Variants in CCDC93 observed in about 807,000 individuals in gnomAD.
CCDC93 encodes the protein coiled-coil domain-containing protein 93.
In CCDC93, 61 loss-of-function variants were observed where a neutral mutation model predicts 108.2. That is an observed-to-expected ratio of 0.56 (90% confidence interval 0.46 to 0.70). The LOEUF (loss-of-function observed/expected upper bound fraction) is 0.70, where lower values mean the gene tolerates loss of function less well. Ranked by LOEUF, CCDC93 falls within the 30% of genes least tolerant of loss-of-function variation. The probability of loss-of-function intolerance (pLI) is 0.00; values close to 1 mark genes in which losing one functional copy is unlikely to be tolerated. For missense variants in CCDC93, 685 were observed against 764.2 expected (o/e 0.90, Z 1.22); for synonymous variants, 276 against 260.4 (o/e 1.06, Z -0.58).
intron 13 of CCDC93, chr2:117,950,029 G>C: frequency 1.0e-6 from 1 of 985,402 alleles, no homozygotes; most frequent in Non-Finnish European, 1.2e-6. Context: ...AGGCAGGGCG[G>C]GGTCCCACAT....
Position 118,000,836 on chromosome 2 carries a change from T to C in CCDC93, c.348A>G (p.Ile116Met). 1.2e-6 allele frequency: 2 copies of C among 1,610,696 alleles called. No individual in the cohort carries two copies. The highest frequency in any genetic ancestry group is 1.1e-5 in the South Asian group (1 of 91,008). ...HQIQGMDFIHIFPVVQWLVKR... is the reference protein window; with the variant it reads ...HQIQGMDFIHMFPVVQWLVKR... Reference sequence around the variant, plus strand: ...AGGCTCTCACCTGAACAACAGGAAATATGTGAATAAAATCCATCCCCTGGA... The same window carrying C: ...AGGCTCTCACCTGAACAACAGGAAACATGTGAATAAAATCCATCCCCTGGA... Residue 116 changes from isoleucine to methionine, a missense_variant, in exon 4 of 24, where the codon ATA becomes ATG. Coordinates refer to ENST00000376300, the MANE Select transcript of CCDC93 (RefSeq NM_019044.5).
intron 23 of CCDC93, among the ~76,000 whole-genome samples, chr2:117,924,055 T>G (rs1293009276): frequency 1.3e-5 from 2 of 152,206 alleles, no homozygotes; most frequent in African/African-American, 4.8e-5. Flanking sequence ...CCAACAGACC[T>G]GCAGCTGAGG....
chr2:118,013,618 G>C (rs1159380160), intron 1 of CCDC93, among the ~76,000 whole-genome samples: 3 of 152,266 alleles, frequency 2.0e-5, no homozygotes, highest in Admixed American at 6.5e-5. Context: ...CGCGGGGTGG[G>C]GGAGCCCGTC....
rs17512204 is a variant in CCDC93, at chr2:117,975,255, G to A, written c.683C>T (p.Pro228Leu). 115,594 of 1,612,948 alleles carry A rather than the reference G, an allele frequency of 0.072. 4,685 individuals carry two copies. Among genetic ancestry groups the A allele is most frequent in the Non-Finnish European group, 0.081 (95,934 of 1,179,476 alleles). Residue 228 changes from proline to leucine, a missense_variant, in exon 9 of 24, where the codon CCA (proline) becomes CTA (leucine). By Grantham distance (98) the Pro-to-Leu change is moderately conservative. Transcript: ENST00000376300. ...TTTTTCTGTAGCTGACAGCCCTGCTGGAAGTGCCGTTTTCTTGTCCTCAGC... is the reference window on the plus strand; with the variant it reads ...TTTTTCTGTAGCTGACAGCCCTGCTAGAAGTGCCGTTTTCTTGTCCTCAGC... ...EKAEDKKTAL[P>L]AGLSATEKAD...
intron 12 of CCDC93, among the ~76,000 whole-genome samples, chr2:117,958,142 A>C (rs1448873364): frequency 1.3e-5 from 2 of 152,174 alleles, no homozygotes; most frequent in Non-Finnish European, 2.9e-5. Context: ...TGTAGGTCTT[A>C]TGGTCTTCTG....
At position 117,946,870 on chromosome 2, in the gene CCDC93, G is replaced by A. The variant is rs1282612370; in HGVS notation, c.1237C>T (p.Arg413Ter). ...FKAHCREEMTRLQQEIENLKA... is the reference protein window; with the variant it reads ...FKAHCREEMT ...AGGTTTTCAATTTCTTGCTGTAGTC[G>A]TGTCATCTCCTCCTTTAAAAGTGAC... The change falls in exon 16 of 24, where the codon CGA becomes TGA. Residue 413 changes from arginine to a stop codon, truncating the protein, a stop_gained. Transcript: ENST00000376300. LOFTEE classifies it high-confidence loss of function. 6.2e-7 allele frequency: 1 copy of A among 1,611,914 alleles called. No individual in the cohort carries two copies. Among genetic ancestry groups the A allele is most frequent in the Non-Finnish European group, 8.5e-7 (1 of 1,178,002 alleles).
rs886332171 is a variant in CCDC93 at position 117,916,434 on chromosome 2, TGAGAGAGACCCTCTA to T, written c.*3894_*3908del. ...TTCAAGGTTACAGTATAACATACTC[TGAGAGAGACCCTCTA>T]AAGTTGTGAAAACTGTTCTCAAACT... On this transcript the variant is annotated 3_prime_UTR_variant, in exon 24 of 24. Transcript: ENST00000376300. 1 of 152,232 alleles carries T rather than the reference TGAGAGAGACCCTCTA, an allele frequency of 6.6e-6. No homozygotes were observed. Among genetic ancestry groups the T allele is most frequent in the Non-Finnish European group, 1.5e-5 (1 of 68,036 alleles). 9.4% of individuals were successfully genotyped at this position (152,232 alleles called of 1,614,324 possible). A position where few individuals can be genotyped will look rare whatever the true frequency, so the allele number is the denominator to read the frequency against.
chr2:117,916,595 T>C lies in CCDC93; in HGVS notation c.*3748A>G, dbSNP rs1677693283. The stretch of plus-strand genomic sequence containing the variant: ...AGTCAGTCATCTACCTTGAGCTAGA[T>C]GCTGGGGAGAGTGTGGTAAGACAAG... On this transcript the variant is annotated 3_prime_UTR_variant, in exon 24 of 24. Transcript: ENST00000376300. The C allele has an allele frequency of 6.6e-6, 1 of 152,186 alleles. No individual in the cohort carries two copies. Among genetic ancestry groups the C allele is most frequent in the African/African-American group, 2.4e-5 (1 of 41,438 alleles). The allele number at this position is 152,186 out of a possible 1,614,324, so 9.4% of individuals were successfully genotyped here.
At chr2:117,933,059 T>C (rs1678398302) in intron 22 of CCDC93, among the ~76,000 whole-genome samples, 1 of 152,236 alleles carries the variant, frequency 6.6e-6, no homozygotes, top group Admixed American at 6.5e-5. Context: ...TAGTATGAGC[T>C]TGAGGCCAGA....
chr2:117,992,278 T>C (rs1018264399), intron 6 of CCDC93, among the ~76,000 whole-genome samples: 2 of 152,314 alleles, frequency 1.3e-5, no homozygotes, highest in Admixed American at 1.3e-4. Flanking sequence ...GGTCTCACTC[T>C]GCCACCCAGG....
chr2:117,942,899 C>T (rs943477234), intron 18 of CCDC93, among the ~76,000 whole-genome samples: 1 of 152,240 alleles, frequency 6.6e-6, no homozygotes, highest in African/African-American at 2.4e-5. Flanking sequence ...ATACTCCTCT[C>T]GCCCTTAACC....
In CCDC93 at chr2:117,958,492, A is replaced by G; in HGVS notation, c.889-11T>C. The G allele has an allele frequency of 6.9e-7, 1 of 1,447,482 alleles. No individual in the cohort carries two copies. Among genetic ancestry groups the G allele is most frequent in the South Asian group, 1.1e-5 (1 of 87,728 alleles). The allele number at this position is 1,447,482 out of a possible 1,614,324, so 89.7% of individuals were successfully genotyped here. On this transcript the variant is annotated splice_polypyrimidine_tract_variant and intron_variant, in intron 11 of 23. Transcript: ENST00000376300. ...TGATAGCTCAGACTGCTGTGGAAAA[A>G]AGGGATGGCAAATCCAAAGGATTTA...
intron 11 of CCDC93, among the ~76,000 whole-genome samples, chr2:117,966,496 G>A (rs1483968974): frequency 6.6e-6 from 1 of 152,246 alleles, no homozygotes; most frequent in African/African-American, 2.4e-5. Context: ...ATGCTGGGTA[G>A]AATTCCTATT....
chr2:117,953,226 G>T (rs1404348690), intron 12 of CCDC93, among the ~76,000 whole-genome samples: 1 of 152,186 alleles, frequency 6.6e-6, no homozygotes, highest in Non-Finnish European at 1.5e-5. Flanking sequence ...AAAGTAACAT[G>T]CCCCATCCTT....
Position 117,919,157 on chromosome 2 carries a change from G to A in CCDC93, c.*1186C>T, listed in dbSNP as rs947173076. 4 of 152,230 alleles carry A rather than the reference G, an allele frequency of 2.6e-5. No individual in the cohort carries two copies. The highest frequency in any genetic ancestry group is 1.3e-4 in the Admixed American group (2 of 15,286). The allele number at this position is 152,230 out of a possible 1,614,324, so 9.4% of individuals were successfully genotyped here. Reference sequence around the variant, plus strand: ...TTTGATCTGCACTGGTCATTTCCAAGGATTAAAATCAACCCTCAGCTGCCC... The same window carrying A: ...TTTGATCTGCACTGGTCATTTCCAAAGATTAAAATCAACCCTCAGCTGCCC... On this transcript the variant is annotated 3_prime_UTR_variant, in exon 24 of 24. Coordinates refer to ENST00000376300, the MANE Select transcript of CCDC93 (RefSeq NM_019044.5).
chr2:118,003,500 G>C (rs1395119773), intron 3 of CCDC93, among the ~76,000 whole-genome samples: 1 of 152,146 alleles, frequency 6.6e-6, no homozygotes, highest in Non-Finnish European at 1.5e-5. Flanking sequence ...GTTACATTTT[G>C]GTTCAGCAGG....
intron 20 of CCDC93, 132 bp from the exon 21 acceptor site, chr2:117,936,871 A>G (rs1678544083): frequency 2.7e-6 from 2 of 733,120 alleles, no homozygotes; most frequent in Middle Eastern, 4.8e-4. Flanking sequence ...ATGAAGATTA[A>G]AGTAACATAT....
chr2:117,992,237 A>G (rs958328870), intron 6 of CCDC93, among the ~76,000 whole-genome samples: 30 of 151,986 alleles, frequency 2.0e-4, no homozygotes, highest in Non-Finnish European at 7.4e-5. Context: ...ATTTTTTTCC[A>G]TTCCCCTTTT....
intron 23 of CCDC93, among the ~76,000 whole-genome samples, chr2:117,929,961 C>T (rs891475798): frequency 2.0e-5 from 3 of 152,170 alleles, no homozygotes; most frequent in Non-Finnish European, 2.9e-5. Flanking sequence ...GCTTGCCATC[C>T]GTCTCTCCCA....
Sources: gnomAD v4.1 joint callset for allele counts (sites outside exome capture counted in the v4.1 genomes callset) on GRCh38, gnomAD v4.1.1 for gene constraint, MANE v1.5 for transcripts, NCBI Gene and HGNC (gene_info 2026-07-23, HGNC 2026-07-21) for gene names.